Variants in COL10A1 observed in about 807,000 individuals in gnomAD.
COL10A1 encodes the protein collagen alpha-1(X) chain.
In COL10A1, 10 loss-of-function variants were observed where a neutral mutation model predicts 18.2. The ratio of observed to expected loss-of-function variants is 0.55; its 90% CI spans 0.34 to 0.93. COL10A1 has a LOEUF of 0.93. COL10A1 is among the 40% of genes least tolerant of loss of function. The pLI is 0.02. For missense variants in COL10A1, 897 were observed against 853.5 expected, an observed-to-expected ratio of 1.05 and a Z score of -0.64; for synonymous variants, 330 against 316.6, an observed-to-expected ratio of 1.04 and a Z score of -0.45.
chr6:116,208,720 T>C, the COL10A1 span, among the ~76,000 whole-genome samples: 2 of 152,034 alleles, frequency 1.3e-5, no homozygotes, highest in African/African-American at 4.8e-5. Context: ...GACCCTGCGA[T>C]TGCTCTTTTA....
chr6:116,187,559 C>T, the COL10A1 span, among the ~76,000 whole-genome samples: 1 of 152,006 alleles, frequency 6.6e-6, no homozygotes, highest in African/African-American at 2.4e-5. Context: ...CCAGAAAAGA[C>T]CTTTGCAGTT....
Position 116,120,690 on chromosome 6 carries a change from C to T in COL10A1, c.1426G>A (p.Gly476Ser). 7 of 1,550,130 alleles carry T rather than the reference C, an allele frequency of 4.5e-6. No individual in the cohort carries two copies. Among genetic ancestry groups the T allele is most frequent in the Non-Finnish European group, 5.2e-6 (6 of 1,155,232 alleles). The change falls in exon 3 of 3, where the codon GGC (glycine) becomes AGC (serine). Residue 476 changes from glycine (G) to serine (S), a missense_variant. Gly to Ser is a moderately conservative substitution (Grantham distance 56). Transcript: ENST00000651968. ...KGDPGSPGPP[G>S]PAGIATKGLN... The stretch of plus-strand genomic sequence containing the variant: ...CCCTTAGTTGCTATGCCAGCTGGGC[C>T]AGGAGGACCGGGACTTCCTGGATCC...
chr6:116,133,097 C>T (rs757787556), intron 1 of COL10A1, among the ~76,000 whole-genome samples: 3 of 152,104 alleles, frequency 2.0e-5, no homozygotes, highest in Non-Finnish European at 4.4e-5. Flanking sequence ...TTCTGTTTTC[C>T]GTTATACACA....
At chr6:116,173,843 T>C in the COL10A1 span, among the ~76,000 whole-genome samples, 1 of 152,184 alleles carries the variant, frequency 6.6e-6, no homozygotes, top group Non-Finnish European at 1.5e-5. Context: ...GGCACATTCC[T>C]ATTAACTAAC....
intron 1 of COL10A1, among the ~76,000 whole-genome samples, chr6:116,139,598 A>T (rs1310042919): frequency 1.3e-5 from 2 of 152,188 alleles, no homozygotes; most frequent in Non-Finnish European, 2.9e-5. Flanking sequence ...AAGACAGTAA[A>T]GAGCCCTTCC....
the COL10A1 span, among the ~76,000 whole-genome samples, chr6:116,174,682 A>G: frequency 1.3e-5 from 2 of 152,186 alleles, no homozygotes; most frequent in Non-Finnish European, 1.5e-5. Context: ...CGATTTTTAT[A>G]CAGGTACTTG....
chr6:116,157,650 C>T (rs1780229786), intron 1 of COL10A1, among the ~76,000 whole-genome samples: 1 of 152,102 alleles, frequency 6.6e-6, no homozygotes, highest in Non-Finnish European at 1.5e-5. Flanking sequence ...GAGGGTGTCT[C>T]CCTGCCTTCC....
At chr6:116,159,676 G>A (rs995030804), upstream of COL10A1, among the ~76,000 whole-genome samples, 20 of 152,120 alleles carry the variant, frequency 1.3e-4, no homozygotes, top group Admixed American at 9.8e-4. Context: ...GTTTGTTAAC[G>A]TGGGTATATT....
At chr6:116,214,750 G>A in the COL10A1 span, among the ~76,000 whole-genome samples, 1 of 152,070 alleles carries the variant, frequency 6.6e-6, no homozygotes, top group Admixed American at 6.6e-5. Context: ...AAACACTGTG[G>A]AAATGGGTGT....
rs765594783 is a variant in COL10A1, at chr6:116,120,674, G to C, written c.1442C>G (p.Ala481Gly). The C allele has an allele frequency of 1.9e-6, 3 of 1,545,728 alleles. No individual in the cohort carries two copies. The highest frequency in any genetic ancestry group is 2.6e-6 in the Non-Finnish European group (3 of 1,153,674). ...SPGPPGPAGI[A>G]TKGLNGPTGP... ...GGTGGGTCCATTGAGGCCCTTAGTTGCTATGCCAGCTGGGCCAGGAGGACC... is the reference window on the plus strand; with the variant it reads ...GGTGGGTCCATTGAGGCCCTTAGTTCCTATGCCAGCTGGGCCAGGAGGACC... The change falls in exon 3 of 3, where the codon GCA becomes GGA. Residue 481 changes from alanine to glycine, a missense_variant. Ala to Gly is a moderately conservative substitution (Grantham distance 60, BLOSUM62 0). Transcript: ENST00000651968.
At chr6:116,137,822 C>CT (rs1391204928) in intron 1 of COL10A1, among the ~76,000 whole-genome samples, 7 of 152,294 alleles carry the variant, frequency 4.6e-5, no homozygotes, top group Non-Finnish European at 4.4e-5. Flanking sequence ...TGGCTTATGC[C>CT]TGTAATCCCA....
the COL10A1 span, among the ~76,000 whole-genome samples, chr6:116,170,933 C>T: frequency 6.6e-6 from 1 of 152,186 alleles, no homozygotes; most frequent in African/African-American, 2.4e-5. Flanking sequence ...TGACATCTAG[C>T]CTGTCAAACC....
the COL10A1 span, among the ~76,000 whole-genome samples, chr6:116,197,842 C>T: frequency 1.2e-3 from 180 of 152,134 alleles, no homozygotes; most frequent in African/African-American, 4.1e-3. Context: ...CATTGAGAAG[C>T]GTTTACATGT....
At chr6:116,157,786 A>G (rs1402769289) in intron 1 of COL10A1, among the ~76,000 whole-genome samples, 1 of 152,214 alleles carries the variant, frequency 6.6e-6, no homozygotes, top group Non-Finnish European at 1.5e-5. Context: ...TAACGGGGAA[A>G]TCAAAAACTG....
At chr6:116,184,464 G>A in the COL10A1 span, among the ~76,000 whole-genome samples, 2 of 151,854 alleles carry the variant, frequency 1.3e-5, no homozygotes, top group Non-Finnish European at 2.9e-5. Context: ...AATTGGATTG[G>A]TACCAATTCT....
At chr6:116,202,129 G>GTT in the COL10A1 span, among the ~76,000 whole-genome samples, 1 of 151,996 alleles carries the variant, frequency 6.6e-6, no homozygotes, top group Admixed American at 6.6e-5. Context: ...TTAACTTGAA[G>GTT]TAGCCACGTG....
chr6:116,127,265 C>T (rs775064404), upstream of COL10A1, among the ~76,000 whole-genome samples: 23 of 152,082 alleles, frequency 1.5e-4, no homozygotes, highest in Non-Finnish European at 2.1e-4. Flanking sequence ...TTCCCTTTCT[C>T]TCCCCTTCAA....
At chr6:116,215,348 G>C in the COL10A1 span, among the ~76,000 whole-genome samples, 1 of 152,060 alleles carries the variant, frequency 6.6e-6, no homozygotes, top group African/African-American at 2.4e-5. Flanking sequence ...CTATACTGTG[G>C]AGCCTAAGCT....
At chr6:116,172,067 A>G in the COL10A1 span, among the ~76,000 whole-genome samples, 2 of 152,150 alleles carry the variant, frequency 1.3e-5, no homozygotes, top group Admixed American at 6.5e-5. Flanking sequence ...CCACACATCT[A>G]TGGTTTCAGT....
Sources: allele counts gnomAD v4.1 joint callset (sites outside exome capture counted in the v4.1 genomes callset), GRCh38; gene constraint gnomAD v4.1.1; transcripts MANE v1.5; gene names NCBI Gene and HGNC (gene_info 2026-07-23, HGNC 2026-07-21).